PDE10A: variants seen among roughly 807,000 people sequenced by gnomAD.
PDE10A encodes the protein phosphodiesterase 10A, also known as cAMP and cAMP-inhibited cGMP 3',5'-cyclic phosphodiesterase 10A.
In PDE10A, 39 loss-of-function variants were observed where a neutral mutation model predicts 97.7. The observed-to-expected ratio is 0.40, with a 90% CI of 0.31 to 0.52. PDE10A has a LOEUF of 0.52. PDE10A is among the 20% of genes least tolerant of loss of function. PDE10A has a pLI of 0.56. For missense variants in PDE10A, 731 were observed against 1,047.8 expected (o/e 0.70, Z 4.17); for synonymous variants, 371 against 376.8 (o/e 0.98, Z 0.18).
intron 1 of PDE10A, among the ~76,000 whole-genome samples, chr6:165,968,975 C>A (rs138739514): frequency 6.5e-4 from 99 of 152,256 alleles, no homozygotes; most frequent in African/African-American, 2.3e-3. Flanking sequence ...CCTGATGAAA[C>A]CTCCCTGTCT....
At chr6:165,807,400 C>T (rs1043344443) in intron 1 of PDE10A, among the ~76,000 whole-genome samples, 4 of 152,102 alleles carry the variant, frequency 2.6e-5, no homozygotes, top group African/African-American at 9.7e-5. Context: ...ATGCAGGGCT[C>T]CAGGCATCAC....
At position 165,714,191 on chromosome 6, in the gene PDE10A, T is replaced by TCATGCCTCATA. The variant is rs551213460; in HGVS notation, c.-614-170634_-614-170624dup. On this transcript the variant is annotated intron_variant, in intron 1 of 19. Transcript: ENST00000366882. ...TGGGTACCACTGGGCAGCTCAGTGT[T>TCATGCCTCATA]CATGCCTCATACACAGAACCAAGCT... Among the ~76,000 whole-genome samples, 32 of 152,340 alleles carry TCATGCCTCATA rather than the reference T, an allele frequency of 2.1e-4. No homozygotes were observed. The South Asian group carries it at 6.4e-3, about 31-fold the overall frequency.
rs112545551 is a variant in PDE10A at position 165,605,798 on chromosome 6, G to C, written c.865+56149C>G. 2.0e-3 allele frequency among the ~76,000 whole-genome samples: 311 copies of C among 152,248 alleles called. 3 individuals carry two copies. The highest frequency in any genetic ancestry group is 6.9e-3 in the African/African-American group (286 of 41,544). On this transcript the variant is annotated intron_variant, in intron 1 of 21. Coordinates refer to ENST00000539869, the MANE Select transcript of PDE10A (RefSeq NM_001385079.1). ...TACAAATGTCCCCATTTTTGGAATAGAAGTCAGAAAGGTTGGAGAGTGGGG... is the reference window on the plus strand; with the variant it reads ...TACAAATGTCCCCATTTTTGGAATACAAGTCAGAAAGGTTGGAGAGTGGGG...
chr6:165,677,370 C>T (rs919795473), intron 1 of PDE10A, among the ~76,000 whole-genome samples: 1 of 152,164 alleles, frequency 6.6e-6, no homozygotes, highest in African/African-American at 2.4e-5. Context: ...TTGTGTGAGC[C>T]GGTTCCTTAA....
intron 18 of PDE10A, among the ~76,000 whole-genome samples, chr6:165,365,010 A>G (rs1277165694): frequency 6.6e-6 from 1 of 152,108 alleles, no homozygotes; most frequent in African/African-American, 2.4e-5. Flanking sequence ...CAATCAGAGA[A>G]ACAAGAAAAA....
At chr6:165,649,394 G>A (rs1789565441) in intron 1 of PDE10A, among the ~76,000 whole-genome samples, 1 of 152,126 alleles carries the variant, frequency 6.6e-6, no homozygotes, top group African/African-American at 2.4e-5. Flanking sequence ...GAGGCCCACT[G>A]AGACACTCCC....
At chr6:165,787,496 T>C (rs563160934) in intron 1 of PDE10A, among the ~76,000 whole-genome samples, 4 of 152,326 alleles carry the variant, frequency 2.6e-5, no homozygotes, top group African/African-American at 9.6e-5. Flanking sequence ...AGCATCATTT[T>C]CACCATCTCT....
intron 1 of PDE10A, among the ~76,000 whole-genome samples, chr6:165,833,828 T>C (rs548860476): frequency 3.9e-5 from 6 of 152,324 alleles, no homozygotes; most frequent in African/African-American, 1.4e-4. Context: ...AGGCATGAGA[T>C]GAAGGTGGTC....
At chr6:165,984,389 C>T (rs954217030) in intron 1 of PDE10A, among the ~76,000 whole-genome samples, 1 of 152,136 alleles carries the variant, frequency 6.6e-6, no homozygotes, top group Non-Finnish European at 1.5e-5. Context: ...AAAATGTTTG[C>T]TGAAATACAA....
chr6:165,807,638 A>C (rs1779174681), intron 1 of PDE10A, among the ~76,000 whole-genome samples: 1 of 152,168 alleles, frequency 6.6e-6, no homozygotes, highest in Non-Finnish European at 1.5e-5. Context: ...CCTCCTGTTT[A>C]TCTAGAGCTT....
At chr6:165,664,333 C>T (rs1790440486), upstream of PDE10A, among the ~76,000 whole-genome samples, 1 of 152,124 alleles carries the variant, frequency 6.6e-6, no homozygotes, top group Non-Finnish European at 1.5e-5. Context: ...CTAGTCGATG[C>T]TTTCCCCGAC....
At chr6:165,965,610 G>A (rs1384721013) in intron 1 of PDE10A, among the ~76,000 whole-genome samples, 1 of 152,160 alleles carries the variant, frequency 6.6e-6, no homozygotes, top group Non-Finnish European at 1.5e-5. Flanking sequence ...TTGTCACTCA[G>A]CACACTTCTG....
At chr6:165,691,573 G>A (rs943145865) in intron 1 of PDE10A, among the ~76,000 whole-genome samples, 7 of 129,972 alleles carry the variant, frequency 5.4e-5, no homozygotes, top group South Asian at 5.4e-4. Flanking sequence ...GTGCCCATGC[G>A]CACGCATGCA....
chr6:165,767,972 C>A (rs1777908416), intron 1 of PDE10A, among the ~76,000 whole-genome samples: 1 of 152,108 alleles, frequency 6.6e-6, no homozygotes, highest in Non-Finnish European at 1.5e-5. Flanking sequence ...TTTTAAAAAC[C>A]ATCCTAGTGG....
intron 1 of PDE10A, among the ~76,000 whole-genome samples, chr6:165,808,357 A>G (rs1278485797): frequency 6.6e-6 from 1 of 152,148 alleles, no homozygotes; most frequent in African/African-American, 2.4e-5. Context: ...CCCTGGTTCA[A>G]CAAGTCAAGG....
rs187068199 is a variant in PDE10A, at chr6:165,798,454, C to T, written c.-615+189075G>A. ...TCTGTCAGTATGTGGCCACTGTGCT[C>T]ATCCCAGACCTCACAGAAAGACAGA... On this transcript the variant is annotated intron_variant, in intron 1 of 19. Transcript: ENST00000366882. Among the ~76,000 whole-genome samples, 458 of 152,284 alleles carry T rather than the reference C, an allele frequency of 3.0e-3. 4 individuals are homozygous for T. Among genetic ancestry groups the T allele is most frequent in the Non-Finnish European group, 5.2e-3 (352 of 68,018 alleles).
chr6:165,676,844 G>T (rs1012923843), intron 1 of PDE10A, among the ~76,000 whole-genome samples: 1 of 152,108 alleles, frequency 6.6e-6, no homozygotes, highest in Non-Finnish European at 1.5e-5. Context: ...CCTGCCTGTC[G>T]GCATGGACTT....
chr6:165,882,699 T>C (rs952789777), intron 1 of PDE10A, among the ~76,000 whole-genome samples: 1 of 151,434 alleles, frequency 6.6e-6, no homozygotes, highest in Non-Finnish European at 1.5e-5. Flanking sequence ...CTATCATTCA[T>C]GGCACATGTA....
upstream of PDE10A, among the ~76,000 whole-genome samples, chr6:165,667,921 G>C (rs2128435189): frequency 6.6e-6 from 1 of 152,250 alleles, no homozygotes; most frequent in South Asian, 2.1e-4. Flanking sequence ...CAAAGATGTT[G>C]CCATTAAAAA....
Sources: gnomAD v4.1 joint callset for allele counts (sites outside exome capture counted in the v4.1 genomes callset) on GRCh38, gnomAD v4.1.1 for gene constraint, MANE v1.5 for transcripts, NCBI Gene and HGNC (gene_info 2026-07-23, HGNC 2026-07-21) for gene names.